The following CSGALNACT1 variants were observed in gnomAD, a reference collection of about 807,000 sequenced individuals.
The protein encoded by CSGALNACT1 is beta4GalNAcT-1.
Under a neutral mutation model 51.0 loss-of-function variants are expected in CSGALNACT1, and 52 were observed. The observed-to-expected ratio is 1.02, with a 90% confidence interval of 0.82 to 1.29. The LOEUF (loss-of-function observed/expected upper bound fraction) is 1.29, where lower values mean the gene tolerates loss of function less well. Ranked by LOEUF, CSGALNACT1 falls within the 50% of genes most tolerant of loss-of-function variation. The pLI, the probability that CSGALNACT1 is intolerant of heterozygous loss-of-function variation, is 0.00. For missense variants in CSGALNACT1, 935 were observed against 679.2 expected, an observed-to-expected ratio of 1.38 and a Z score of -4.19; for synonymous variants, 341 against 254.4, an observed-to-expected ratio of 1.34 and a Z score of -3.24.
intron 5 of CSGALNACT1, among the ~76,000 whole-genome samples, chr8:19,451,929 C>T (rs748961849): frequency 3.3e-5 from 5 of 152,116 alleles, no homozygotes; most frequent in African/African-American, 1.2e-4. Flanking sequence ...ATTCCTCAAC[C>T]AACTGTATGA....
chr8:19,628,113 A>C (rs1395209410), intron 1 of CSGALNACT1, among the ~76,000 whole-genome samples: 2 of 152,178 alleles, frequency 1.3e-5, no homozygotes, highest in Non-Finnish European at 2.9e-5. Flanking sequence ...ACATCAATAC[A>C]TTAAGTCCTT....
At chr8:19,706,709 G>C (rs898698876) in intron 1 of CSGALNACT1, among the ~76,000 whole-genome samples, 3 of 152,094 alleles carry the variant, frequency 2.0e-5, no homozygotes, top group African/African-American at 7.2e-5. Context: ...ATCAGGTGTG[G>C]GCACTCCCGG....
chr8:19,490,171 C>T (rs545568487), intron 4 of CSGALNACT1, among the ~76,000 whole-genome samples: 22 of 152,142 alleles, frequency 1.4e-4, no homozygotes, highest in Non-Finnish European at 2.5e-4. Flanking sequence ...CTTTAAATAG[C>T]GCATGGAACA....
intron 3 of CSGALNACT1, among the ~76,000 whole-genome samples, chr8:19,562,514 A>G (rs1483125514): frequency 6.6e-6 from 1 of 152,142 alleles, no homozygotes; most frequent in Non-Finnish European, 1.5e-5. Context: ...ATCAGAGCAA[A>G]CAGACAATCT....
chr8:19,642,864 A>T (rs1361076776), intron 1 of CSGALNACT1, among the ~76,000 whole-genome samples: 2 of 152,126 alleles, frequency 1.3e-5, no homozygotes, highest in African/African-American at 4.8e-5. Flanking sequence ...TGGGTCAGTC[A>T]AAAGATTATC....
At chr8:19,439,837 T>C (rs752653176) in exon 6 of CSGALNACT1, 3 of 1,610,544 alleles carry the variant, frequency 1.9e-6, no homozygotes, top group Non-Finnish European at 2.5e-6. Flanking sequence ...CACTTGGAAG[T>C]GTTTTCAAGT....
intron 3 of CSGALNACT1, among the ~76,000 whole-genome samples, chr8:19,565,533 G>T (rs751663041): frequency 2.0e-5 from 3 of 152,196 alleles, no homozygotes; most frequent in African/African-American, 7.2e-5. Flanking sequence ...AAATAAACAA[G>T]AAGTTCAAAG....
intron 1 of CSGALNACT1, among the ~76,000 whole-genome samples, chr8:19,681,906 C>A (rs1278404911): frequency 6.6e-6 from 1 of 152,212 alleles, no homozygotes. Flanking sequence ...GGGTCACACT[C>A]CAGGTCTCCC....
chr8:19,630,194 C>CTCTG (rs1431879737), intron 1 of CSGALNACT1, among the ~76,000 whole-genome samples: 28 of 137,892 alleles, frequency 2.0e-4, no homozygotes, highest in African/African-American at 4.6e-4. Flanking sequence ...TCCCACGTCT[C>CTCTG]TGTGTGTGTG....
intron 3 of CSGALNACT1, among the ~76,000 whole-genome samples, chr8:19,555,712 G>C (rs2089550416): frequency 6.6e-6 from 1 of 152,176 alleles, no homozygotes; most frequent in East Asian, 1.9e-4. Context: ...TTAGGTTCCA[G>C]GATTATTGAG....
chr8:19,735,763 A>G (rs1213629891), intron 1 of CSGALNACT1, among the ~76,000 whole-genome samples: 1 of 152,184 alleles, frequency 6.6e-6, no homozygotes, highest in African/African-American at 2.4e-5. Context: ...AATGGAGAAA[A>G]ATTATAATAC....
chr8:19,405,920 G>C lies in CSGALNACT1; in HGVS notation c.1459C>G (p.Pro487Ala). The C allele has an allele frequency of 1.5e-5, 25 of 1,614,004 alleles. No individual in the cohort carries two copies. The highest frequency in any genetic ancestry group is 2.0e-5 in the Non-Finnish European group (24 of 1,180,004). ...TGCATGCACATCTTGTACTGCTCGG[G>C]GGTCAGCTCGTCCATGCAGCGCTTC... Residue 487 changes from proline to alanine, a missense_variant, in exon 10 of 10, where the codon CCC becomes GCC. Pro to Ala is a conservative substitution (Grantham distance 27). Transcript: ENST00000454498.
chr8:19,704,323 G>T (rs560940728), intron 1 of CSGALNACT1, among the ~76,000 whole-genome samples: 2 of 152,302 alleles, frequency 1.3e-5, no homozygotes, highest in African/African-American at 4.8e-5. Context: ...TTTTTCCAAA[G>T]TACCATTAAT....
intron 4 of CSGALNACT1, among the ~76,000 whole-genome samples, chr8:19,477,803 T>C (rs1465606173): frequency 6.6e-6 from 1 of 152,170 alleles, no homozygotes; most frequent in African/African-American, 2.4e-5. Context: ...TATGTAGCAC[T>C]TAGAACAATA....
intron 3 of CSGALNACT1, among the ~76,000 whole-genome samples, chr8:19,579,207 C>T (rs1235102709): frequency 6.6e-6 from 1 of 152,234 alleles, no homozygotes; most frequent in African/African-American, 2.4e-5. Flanking sequence ...AAAAGGCCCA[C>T]TTTGATCTGG....
chr8:19,448,675 T>C lies in CSGALNACT1; in HGVS notation c.852-8744A>G, dbSNP rs138504065. Among the ~76,000 whole-genome samples the C allele has an allele frequency of 8.1e-3, 1,234 of 152,128 alleles. 13 individuals are homozygous for C. Among genetic ancestry groups the C allele is most frequent in the African/African-American group, 0.028 (1,165 of 41,496 alleles). On this transcript the variant is annotated intron_variant, in intron 5 of 9. Coordinates refer to ENST00000454498, the Ensembl canonical transcript of CSGALNACT1. The stretch of plus-strand genomic sequence containing the variant: ...GATAGGTGAGTAGCCACCCCGCACA[T>C]GAACAAGGGCAGAGGCAGGGCTTTC...
intron 3 of CSGALNACT1, among the ~76,000 whole-genome samples, chr8:19,579,789 A>C (rs1377001174): frequency 6.6e-6 from 1 of 152,248 alleles, no homozygotes; most frequent in Non-Finnish European, 1.5e-5. Context: ...CTTGATACAA[A>C]TAGATAATAC....
chr8:19,457,986 C>T (rs1028459580), intron 5 of CSGALNACT1, among the ~76,000 whole-genome samples: 1 of 152,172 alleles, frequency 6.6e-6, no homozygotes, highest in East Asian at 1.9e-4. Flanking sequence ...CAGGTGAAGG[C>T]AGCCTAGAGC....
chr8:19,698,296 T>C (rs2061682464), intron 1 of CSGALNACT1, among the ~76,000 whole-genome samples: 1 of 152,214 alleles, frequency 6.6e-6, no homozygotes, highest in Non-Finnish European at 1.5e-5. Flanking sequence ...TTGGAAACAT[T>C]GTGTTTGGGG....
Sources: allele counts gnomAD v4.1 joint callset (sites outside exome capture counted in the v4.1 genomes callset), GRCh38; gene constraint gnomAD v4.1.1; transcripts MANE v1.5; gene names NCBI Gene and HGNC (gene_info 2026-07-23, HGNC 2026-07-21).